USH2A: variants seen among roughly 807,000 people sequenced by gnomAD.
USH2A encodes Usher syndrome 2A (autosomal recessive, mild).
USH2A carries 443 observed loss-of-function variants against 538.9 expected under a neutral mutation model. The ratio of observed to expected loss-of-function variants is 0.82; its 90% CI spans 0.76 to 0.89. The LOEUF is 0.89. Ranked by LOEUF, USH2A falls within the 40% of genes least tolerant of loss-of-function variation. The probability of loss-of-function intolerance (pLI) is 0.00; values close to 1 mark genes in which losing one functional copy is unlikely to be tolerated. For synonymous variants in USH2A, 2,413 were observed against 2,273.5 expected (o/e 1.06, Z -1.75); for missense variants, 6,633 against 6,324.8 (o/e 1.05, Z -1.65).
At chr1:216,368,225 T>C (rs1356337987) in intron 3 of USH2A, among the ~76,000 whole-genome samples, 1 of 151,266 alleles carries the variant, frequency 6.6e-6, no homozygotes, top group Non-Finnish European at 1.5e-5. Flanking sequence ...TTTTTTTAAG[T>C]AGAATTCTTG....
intron 30 of USH2A, among the ~76,000 whole-genome samples, chr1:216,066,398 G>C (rs1162497667): frequency 6.6e-6 from 1 of 151,720 alleles, no homozygotes; most frequent in South Asian, 2.1e-4. Context: ...CCTGGGAGGC[G>C]GAGCTTGCAG....
chr1:216,196,345 C>T lies in USH2A; in HGVS notation c.4251+208G>A, dbSNP rs149582433. Reference sequence around the variant, plus strand: ...ACAAGTCTTATGAAATAAATTATACCAACTTAGTTTCAATATATGATTATA... The same window carrying T: ...ACAAGTCTTATGAAATAAATTATACTAACTTAGTTTCAATATATGATTATA... On this transcript the variant is annotated intron_variant, in intron 19 of 71. Coordinates refer to ENST00000307340, the MANE Select transcript of USH2A (RefSeq NM_206933.4). Among the ~76,000 whole-genome samples, 14 of 151,836 alleles carry T rather than the reference C, an allele frequency of 9.2e-5. No homozygotes were observed. In the East Asian group the frequency reaches 1.7e-3, roughly 19 times the overall value.
chr1:215,900,535 T>C (rs1170962042), intron 39 of USH2A, among the ~76,000 whole-genome samples: 1 of 152,192 alleles, frequency 6.6e-6, no homozygotes, highest in Non-Finnish European at 1.5e-5. Flanking sequence ...CATGTGCTCA[T>C]GAAAAGTTTC....
chr1:216,243,817 A>T (rs1295600960), intron 13 of USH2A, among the ~76,000 whole-genome samples: 2 of 152,144 alleles, frequency 1.3e-5, no homozygotes, highest in African/African-American at 4.8e-5. Flanking sequence ...TATTTTCACC[A>T]TGTTTAATGC....
chr1:216,213,838 A>T (rs2035293115), intron 15 of USH2A, among the ~76,000 whole-genome samples: 1 of 152,070 alleles, frequency 6.6e-6, no homozygotes, highest in Non-Finnish European at 1.5e-5. Flanking sequence ...GTTTTATCCC[A>T]AATTAATAAG....
intron 21 of USH2A, among the ~76,000 whole-genome samples, chr1:216,115,352 C>A (rs1377836770): frequency 6.6e-6 from 1 of 152,096 alleles, no homozygotes; most frequent in East Asian, 1.9e-4. Flanking sequence ...CACCACAGTG[C>A]CCAGGCTGGT....
intron 30 of USH2A, among the ~76,000 whole-genome samples, chr1:216,068,040 A>C (rs146172183): frequency 1.1e-4 from 16 of 152,336 alleles, no homozygotes; most frequent in Non-Finnish European, 2.2e-4. Context: ...GAGAACCAGG[A>C]GGTAAGCAGA....
At chr1:216,377,630 A>G (rs1415410395) in intron 3 of USH2A, among the ~76,000 whole-genome samples, 2 of 150,296 alleles carry the variant, frequency 1.3e-5, no homozygotes, top group South Asian at 2.1e-4. Context: ...CAATTCTGAC[A>G]TGTTTCTTCC....
At chr1:215,710,794 G>A (rs1474401294) in intron 61 of USH2A, among the ~76,000 whole-genome samples, 2 of 151,952 alleles carry the variant, frequency 1.3e-5, no homozygotes, top group East Asian at 3.9e-4. Context: ...TTTTCTGAAC[G>A]AGAATGACTA....
intron 13 of USH2A, among the ~76,000 whole-genome samples, chr1:216,240,523 A>G (rs1369233750): frequency 1.5e-5 from 2 of 135,210 alleles, no homozygotes; most frequent in Non-Finnish European, 3.1e-5. Context: ...CAGGTCGTTA[A>G]AAAAAAAAAA....
chr1:216,066,768 A>G lies in USH2A; in HGVS notation c.6049+3333T>C, dbSNP rs574190258. Among the ~76,000 whole-genome samples, 93 of 152,334 alleles carry G rather than the reference A, an allele frequency of 6.1e-4. 1 individual carries two copies. The highest frequency in any genetic ancestry group is 2.1e-3 in the African/African-American group (88 of 41,580). The stretch of plus-strand genomic sequence containing the variant: ...AAAAGGGTTAGAGCTAGAATATCAT[A>G]TCACTTAATATTTTCAATATTCTTC... On this transcript the variant is annotated intron_variant, in intron 30 of 71. Coordinates refer to ENST00000307340, the MANE Select transcript of USH2A (RefSeq NM_206933.4).
chr1:216,377,815 G>GAAAGAGAAGGAAAGAAATAA (rs1174049542), intron 3 of USH2A, among the ~76,000 whole-genome samples: 44 of 12,244 alleles, frequency 3.6e-3, no homozygotes, highest in African/African-American at 9.4e-3. Flanking sequence ...TAAAAAGAAA[G>GAAAGAGAAGGAAAGAAATAA]AAAGAAAGAA....
chr1:216,382,850 A>C (rs933761965), intron 3 of USH2A, among the ~76,000 whole-genome samples: 2 of 152,164 alleles, frequency 1.3e-5, no homozygotes, highest in Admixed American at 6.5e-5. Flanking sequence ...TGTATCTTGG[A>C]CATAAAAGGA....
At chr1:216,346,578 T>C (rs2038179585) in intron 4 of USH2A, among the ~76,000 whole-genome samples, 1 of 152,024 alleles carries the variant, frequency 6.6e-6, no homozygotes, top group Non-Finnish European at 1.5e-5. Context: ...CAGAGAAGCA[T>C]GCTCTTGGTC....
intron 37 of USH2A, among the ~76,000 whole-genome samples, chr1:215,945,923 T>G (rs1034655402): frequency 1.3e-5 from 2 of 152,188 alleles, no homozygotes; most frequent in Non-Finnish European, 2.9e-5. Flanking sequence ...TAAATCCTTT[T>G]GTGAGTGTAA....
chr1:216,360,730 C>T (rs1488270883), intron 4 of USH2A, among the ~76,000 whole-genome samples: 1 of 151,882 alleles, frequency 6.6e-6, no homozygotes, highest in Non-Finnish European at 1.5e-5. Context: ...AGAAGGAAAA[C>T]CAATGAATAT....
chr1:216,403,499 G>A (rs1020797113), intron 3 of USH2A, among the ~76,000 whole-genome samples: 3 of 152,094 alleles, frequency 2.0e-5, no homozygotes, highest in Admixed American at 1.3e-4. Context: ...AAATTCAGAT[G>A]TCATGATTGT....
Position 216,238,157 on chromosome 1 carries a change from C to G in USH2A, c.2810-6021G>C, listed in dbSNP as rs540474869. On this transcript the variant is annotated intron_variant, in intron 13 of 71. Transcript: ENST00000307340. ...TTGTTTTATGAATTGTAAAAGAAAA[C>G]CAAAAGTAAATACTAGGGGGAAGCA... Among the ~76,000 whole-genome samples, 8 of 152,144 alleles carry G rather than the reference C, an allele frequency of 5.3e-5. No homozygotes were observed. In the South Asian group the frequency reaches 1.7e-3, roughly 31 times the overall value.
chr1:215,646,120 A>G (rs1054738984), intron 67 of USH2A, among the ~76,000 whole-genome samples: 1 of 152,170 alleles, frequency 6.6e-6, no homozygotes, highest in Admixed American at 6.5e-5. Context: ...AGATTAAAAG[A>G]ATTGATTATG....
Sources: allele counts gnomAD v4.1 joint callset (sites outside exome capture counted in the v4.1 genomes callset), GRCh38; gene constraint gnomAD v4.1.1; transcripts MANE v1.5; gene names NCBI Gene and HGNC (gene_info 2026-07-23, HGNC 2026-07-21).